Variants in SMYD1 observed in about 807,000 individuals in gnomAD.
SMYD1 encodes SET and MYND domain containing 1, also known as histone-lysine N-methyltransferase SMYD1.
SMYD1 carries 49 observed loss-of-function variants against 54.0 expected under a neutral mutation model. That is an observed-to-expected ratio of 0.91 (90% CI 0.72 to 1.15). The LOEUF is 1.15. Ranked by LOEUF, SMYD1 falls within the 50% of genes most tolerant of loss-of-function variation. The pLI is 0.00. For missense variants in SMYD1, 653 were observed against 639.6 expected (o/e 1.02, Z -0.23); for synonymous variants, 269 against 234.2 (o/e 1.15, Z -1.36).
At chr2:88,105,887 G>A (rs1291884420) in intron 7 of SMYD1, among the ~76,000 whole-genome samples, 1 of 152,160 alleles carries the variant, frequency 6.6e-6, no homozygotes, top group Non-Finnish European at 1.5e-5. Flanking sequence ...GCAGTGAGCT[G>A]AGACTGAGCC....
At chr2:88,070,180 C>G (rs1047236094) in intron 1 of SMYD1, among the ~76,000 whole-genome samples, 2 of 151,894 alleles carry the variant, frequency 1.3e-5, no homozygotes, top group African/African-American at 2.4e-5. Context: ...GGGAGCTGTG[C>G]TTTCTTTGGT....
intron 1 of SMYD1, among the ~76,000 whole-genome samples, chr2:88,079,152 A>G (rs1186303839): frequency 6.6e-6 from 1 of 152,220 alleles, no homozygotes; most frequent in Non-Finnish European, 1.5e-5. Context: ...AAATGATTAT[A>G]TAAGTGTAAT....
At chr2:88,081,221 T>G (rs1446142861) in intron 1 of SMYD1, among the ~76,000 whole-genome samples, 2 of 151,726 alleles carry the variant, frequency 1.3e-5, no homozygotes, top group Non-Finnish European at 2.9e-5. Flanking sequence ...TTCATTATCT[T>G]GATTGTGATG....
chr2:88,099,604 T>C (rs1674674751), intron 6 of SMYD1, among the ~76,000 whole-genome samples: 1 of 151,748 alleles, frequency 6.6e-6, no homozygotes, highest in South Asian at 2.1e-4. Context: ...ATGCCTGTAA[T>C]CCCAGCTACT....
intron 5 of SMYD1, among the ~76,000 whole-genome samples, chr2:88,095,624 C>A (rs979389618): frequency 1.3e-5 from 2 of 152,222 alleles, no homozygotes; most frequent in Non-Finnish European, 2.9e-5. Context: ...CTGCATCCTG[C>A]CACTTCCTCT....
At chr2:88,074,033 G>A (rs577021914) in intron 1 of SMYD1, among the ~76,000 whole-genome samples, 1 of 152,286 alleles carries the variant, frequency 6.6e-6, no homozygotes, top group Admixed American at 6.5e-5. Context: ...GAAAGAGAGA[G>A]AAAGAGAGAG....
chr2:88,092,531 C>T (rs1469542613), intron 4 of SMYD1, among the ~76,000 whole-genome samples: 2 of 152,222 alleles, frequency 1.3e-5, no homozygotes, highest in East Asian at 3.8e-4. Context: ...AGCTGAGAAT[C>T]GGGCCTAAGC....
At chr2:88,090,953 C>T in intron 3 of SMYD1, 59 bp from the exon 4 acceptor site, 1 of 1,553,820 alleles carries the variant, frequency 6.4e-7, no homozygotes, top group Admixed American at 1.9e-5. Flanking sequence ...CTTTCAACAG[C>T]TAGGATGTTG....
chr2:88,104,737 G>T (rs1026084509), intron 7 of SMYD1, among the ~76,000 whole-genome samples: 2 of 152,238 alleles, frequency 1.3e-5, no homozygotes, highest in East Asian at 3.8e-4. Context: ...AAATGGAATT[G>T]TATGACATTT....
At chr2:88,086,984 CT>C (rs1674343639) in intron 2 of SMYD1, among the ~76,000 whole-genome samples, 1 of 108,198 alleles carries the variant, frequency 9.2e-6, no homozygotes, top group Non-Finnish European at 1.8e-5. Flanking sequence ...TCCCTCCCCC[CT>C]CCCCCCACCC....
At chr2:88,099,986 C>G (rs1674684217) in intron 6 of SMYD1, among the ~76,000 whole-genome samples, 1 of 150,010 alleles carries the variant, frequency 6.7e-6, no homozygotes, top group African/African-American at 2.5e-5. Flanking sequence ...TGGCTCCTCC[C>G]TTCTCCTCTG....
In SMYD1 at chr2:88,112,512, C is replaced by T. The variant is rs757593571; in HGVS notation, c.*2000C>T. On this transcript the variant is annotated 3_prime_UTR_variant, in exon 10 of 10. Transcript: ENST00000419482. ...TCCTTGACATTTGTCACCCCACTGG[C>T]CTTCTCAGGTGCAATCAGTAAAAAT... 52 of 237,218 alleles carry T rather than the reference C, an allele frequency of 2.2e-4. No homozygotes were observed. Among genetic ancestry groups the T allele is most frequent in the Non-Finnish European group, 3.7e-4 (45 of 120,516 alleles). The allele number at this position is 237,218 out of a possible 1,614,324, so 14.7% of individuals were successfully genotyped here.
intron 5 of SMYD1, among the ~76,000 whole-genome samples, chr2:88,093,974 T>C (rs959586563): frequency 3.3e-5 from 5 of 152,236 alleles, no homozygotes; most frequent in Admixed American, 6.5e-5. Flanking sequence ...AAATAGCATC[T>C]ATAACTGATA....
chr2:88,090,912 G>T (rs1487864407), intron 3 of SMYD1, 100 bp from the exon 4 acceptor site: 3 of 1,370,760 alleles, frequency 2.2e-6, no homozygotes, highest in African/African-American at 1.4e-5. Context: ...CATCTCCAGG[G>T]TGAGACTGGG....
chr2:88,089,303 A>G (rs1161182597), intron 3 of SMYD1, among the ~76,000 whole-genome samples: 1 of 152,212 alleles, frequency 6.6e-6, no homozygotes, highest in Admixed American at 6.5e-5. Flanking sequence ...ATCTCATCCA[A>G]AAACACCTTC....
At chr2:88,093,241 G>T (rs1674502504) in intron 4 of SMYD1, among the ~76,000 whole-genome samples, 1 of 152,178 alleles carries the variant, frequency 6.6e-6, no homozygotes, top group Admixed American at 6.5e-5. Context: ...TCTCATTACA[G>T]GTGAGAACAC....
At chr2:88,097,805 A>ACG (rs578224031) in intron 6 of SMYD1, among the ~76,000 whole-genome samples, 7 of 142,394 alleles carry the variant, frequency 4.9e-5, no homozygotes, top group Non-Finnish European at 1.1e-4. Flanking sequence ...ATTAAAAGGC[A>ACG]CACACACACA....
Position 88,067,876 on chromosome 2 carries a change from G to C in SMYD1, c.12G>C (p.Gly4=). 1 of 1,614,026 alleles carries C rather than the reference G, an allele frequency of 6.2e-7. No individual in the cohort carries two copies. Among genetic ancestry groups the C allele is most frequent in the Non-Finnish European group, 8.5e-7 (1 of 1,180,024 alleles). ...TGACAGTCTCTGAGATGACAATAGGGAGAATGGAGAACGTGGAGGTCTTCA... is the reference window on the plus strand; with the variant it reads ...TGACAGTCTCTGAGATGACAATAGGCAGAATGGAGAACGTGGAGGTCTTCA... MTI[G]RMENVEVFTA... The change falls in exon 1 of 10, where the codon GGG becomes GGC. Residue 4 remains glycine (G), a synonymous_variant. Coordinates refer to ENST00000419482, the MANE Select transcript of SMYD1 (RefSeq NM_198274.4).
chr2:88,070,942 C>CAAAAAAAAA (rs61024525), intron 1 of SMYD1, among the ~76,000 whole-genome samples: 1 of 60,126 alleles, frequency 1.7e-5, no homozygotes, highest in Non-Finnish European at 3.1e-5. Context: ...GACTATTTCT[C>CAAAAAAAAA]AAAAAAAAAA....
Sources: gnomAD v4.1 joint callset for allele counts (sites outside exome capture counted in the v4.1 genomes callset) on GRCh38, gnomAD v4.1.1 for gene constraint, MANE v1.5 for transcripts, NCBI Gene and HGNC (gene_info 2026-07-23, HGNC 2026-07-21) for gene names.